The following MAMSTR variants were observed in gnomAD, a reference collection of about 807,000 sequenced individuals.
MAMSTR encodes MEF2 activating motif and SAP domain containing transcriptional regulator, also known as MEF2-activating motif and SAP domain-containing transcriptional regulator.
Under a neutral mutation model 42.7 loss-of-function variants are expected in MAMSTR, and 41 were observed. That is an observed-to-expected ratio of 0.96 (90% CI 0.75 to 1.25). The LOEUF (loss-of-function observed/expected upper bound fraction) is 1.25. Among genes scored for constraint, MAMSTR ranks in the 50% most tolerant of loss-of-function variants. The pLI is 0.00. For missense variants in MAMSTR, 567 were observed against 557.6 expected, an observed-to-expected ratio of 1.02 and a Z score of -0.17; for synonymous variants, 265 against 244.1, an observed-to-expected ratio of 1.09 and a Z score of -0.80.
chr19:48,717,534 CTTTTT>C (rs34694985), intron 2 of MAMSTR, among the ~76,000 whole-genome samples: 1 of 126,630 alleles, frequency 7.9e-6, no homozygotes. Context: ...TGTTAACTAT[CTTTTT>C]TTTTTTTTTT....
At chr19:48,718,380 CTTTTTTTT>C (rs796615883) in intron 2 of MAMSTR, among the ~76,000 whole-genome samples, 93 of 95,156 alleles carry the variant, frequency 9.8e-4, no homozygotes, top group African/African-American at 3.6e-3. Context: ...TTGCACACTT[CTTTTTTTT>C]TTTTTTTTTT....
intron 7 of MAMSTR, 62 bp downstream of exon 7, chr19:48,714,303 AC>A: frequency 1.5e-6 from 2 of 1,294,008 alleles, no homozygotes; most frequent in Non-Finnish European, 2.0e-6. Flanking sequence ...TTTTTTCGAC[AC>A]CCCGCCCCGG....
At chr19:48,718,249 T>G (rs868133208) in intron 2 of MAMSTR, among the ~76,000 whole-genome samples, 2 of 152,206 alleles carry the variant, frequency 1.3e-5, no homozygotes, top group South Asian at 4.1e-4. Flanking sequence ...ATGCGCCTTT[T>G]TGTATACTCC....
chr19:48,714,769 G>C (rs761591438), intron 6 of MAMSTR, 37 bp downstream of exon 6: 1 of 1,490,436 alleles, frequency 6.7e-7, no homozygotes, highest in South Asian at 1.1e-5. Flanking sequence ...CCCACCGAAG[G>C]AGAGAGAAGG....
In MAMSTR at chr19:48,714,030, C is replaced by G. The variant is rs1379911122; in HGVS notation, c.739G>C (p.Ala247Pro). 1 of 1,595,514 alleles carries G rather than the reference C, an allele frequency of 6.3e-7. No homozygotes were observed. Among genetic ancestry groups the G allele is most frequent in the Admixed American group, 1.7e-5 (1 of 58,470 alleles). Residue 247 changes from alanine to proline, a missense_variant, in exon 8 of 10, where the codon GCA (alanine) becomes CCA (proline). By Grantham distance (27) the Ala-to-Pro change is conservative (BLOSUM62 -1). Coordinates refer to ENST00000318083, the MANE Select transcript of MAMSTR (RefSeq NM_001130915.2). ...CGTGGAAGAGGTGGCCTGTGAGATG[C>G]TGCGCTGGGCTTGACCTAGAGCAGC... ...RRQGSVKPSA[A>P]SHRPPLPRAA...
downstream of MAMSTR, among the ~76,000 whole-genome samples, chr19:48,708,958 G>A (rs969995912): frequency 6.6e-6 from 1 of 152,076 alleles, no homozygotes; most frequent in Non-Finnish European, 1.5e-5. Context: ...GAGTCAGGCA[G>A]AGATGGGGAC....
downstream of MAMSTR, among the ~76,000 whole-genome samples, chr19:48,710,119 A>G (rs1345790502): frequency 2.0e-5 from 3 of 148,690 alleles, no homozygotes; most frequent in Non-Finnish European, 4.4e-5. Flanking sequence ...GGACTCCCAA[A>G]GTGCTGGGAC....
At position 48,713,256 on chromosome 19, in the gene MAMSTR, C is replaced by T. The variant is rs756702812; in HGVS notation, c.*11G>A. 1.3e-6 allele frequency: 2 copies of T among 1,580,850 alleles called. No individual in the cohort carries two copies. Among genetic ancestry groups the T allele is most frequent in the Admixed American group, 2.1e-5 (1 of 48,584 alleles). ...CCATCAGTTCTCTGTCTCTGTAAAT[C>T]CTAGAATCCATCACCATGGATCCTC... On this transcript the variant is annotated 3_prime_UTR_variant, in exon 10 of 10. Transcript: ENST00000318083.
At position 48,717,193 on chromosome 19, in the gene MAMSTR, C is replaced by A. The variant is rs371208495; in HGVS notation, c.59-450G>T. On this transcript the variant is annotated intron_variant, in intron 2 of 9. Coordinates refer to ENST00000318083, the MANE Select transcript of MAMSTR (RefSeq NM_001130915.2). ...ATATCCACATTTTCAGTATGCATCTCTCTGGGCTCTAGTTTTGCACACATG... is the reference window on the plus strand; with the variant it reads ...ATATCCACATTTTCAGTATGCATCTATCTGGGCTCTAGTTTTGCACACATG... 2.1e-4 allele frequency among the ~76,000 whole-genome samples: 32 copies of A among 152,340 alleles called. No individual in the cohort carries two copies. In the East Asian group the frequency reaches 5.8e-3, roughly 28 times the overall value.
chr19:48,707,667 G>A, the MAMSTR span, among the ~76,000 whole-genome samples: 2 of 151,292 alleles, frequency 1.3e-5, no homozygotes, highest in Non-Finnish European at 2.9e-5. Context: ...CTTGAACCCA[G>A]GAGGTGAAGT....
Position 48,714,562 on chromosome 19 carries a change from TG to T in MAMSTR, c.529-3del, listed in dbSNP as rs759792469. ...CAGCTGCTGCCGGAGCTCTGAGACC[TG>T]GGGAGGGGCGGGGCGTGGGAAGAGG... On this transcript the variant is annotated splice_polypyrimidine_tract_variant and splice_region_variant and intron_variant, in intron 6 of 9. Transcript: ENST00000318083. 5.4e-5 allele frequency: 79 copies of T among 1,464,728 alleles called. No homozygotes were observed. The South Asian group carries it at 1.0e-3, about 19-fold the overall frequency. The allele number at this position is 1,464,728 out of a possible 1,614,324, so 90.7% of individuals were successfully genotyped here.
downstream of MAMSTR, among the ~76,000 whole-genome samples, chr19:48,710,390 C>T (rs558170462): frequency 6.9e-5 from 10 of 145,944 alleles, no homozygotes; most frequent in African/African-American, 2.3e-4. Flanking sequence ...GCCAGGATTA[C>T]AGGCGTGAAT....
rs35866622 is a variant in MAMSTR at position 48,714,803 on chromosome 19, C to T, written c.528+3G>A. 674,168 of 1,593,184 alleles carry T rather than the reference C, an allele frequency of 0.42. 157,429 individuals carry two copies. Among genetic ancestry groups the T allele is most frequent in the Non-Finnish European group, 0.48 (560,903 of 1,160,822 alleles). The stretch of plus-strand genomic sequence containing the variant: ...GGCCTGGAAAGTTACACCCCAAACT[C>T]ACCGTCAGCTCCTCCAGTTTAAGGG... On this transcript the variant is annotated splice_donor_region_variant and intron_variant, in intron 6 of 9. Coordinates refer to ENST00000318083, the MANE Select transcript of MAMSTR (RefSeq NM_001130915.2).
chr19:48,716,374 C>CAAAAAA lies in MAMSTR; in HGVS notation c.97+325_97+330dup, dbSNP rs35058019. Among the ~76,000 whole-genome samples the CAAAAAA allele has an allele frequency of 7.4e-4, 48 of 65,004 alleles. 2 individuals carry two copies. The highest frequency in any genetic ancestry group is 2.3e-3 in the African/African-American group (38 of 16,364). 42.6% of individuals were successfully genotyped at this position (65,004 alleles called of 152,430 possible). A position where few individuals can be genotyped will look rare whatever the true frequency, so the allele number is the denominator to read the frequency against. On this transcript the variant is annotated intron_variant, in intron 3 of 9. Coordinates refer to ENST00000318083, the MANE Select transcript of MAMSTR (RefSeq NM_001130915.2). ...CTGGCGACAGAGCAAGATTCCATCT[C>CAAAAAA]AAAAAAAAAAAAAAAAAAAAAAGCT...
At chr19:48,718,600 G>A (rs1014737813) in intron 2 of MAMSTR, among the ~76,000 whole-genome samples, 3 of 151,920 alleles carry the variant, frequency 2.0e-5, no homozygotes, top group African/African-American at 7.2e-5. Context: ...CAAGACCTTT[G>A]ACACTTTCAC....
Position 48,719,373 on chromosome 19 carries a change from G to T in MAMSTR, c.-22+306C>A, listed in dbSNP as rs1196319894. ...CTGGGTCCTGAGGAGGAAGGGTTGC[G>T]GGTTGGGACCCCTGTGTCTAGGAAA... On this transcript the variant is annotated intron_variant, in intron 1 of 9. Transcript: ENST00000318083. The surrounding 1 kb of genome is among the most constrained non-coding windows in gnomAD (Gnocchi z 4.4). Among the ~76,000 whole-genome samples, 1 of 152,086 alleles carries T rather than the reference G, an allele frequency of 6.6e-6. No individual in the cohort carries two copies. The highest frequency in any genetic ancestry group is 2.1e-4 in the South Asian group (1 of 4,830).
the MAMSTR span, among the ~76,000 whole-genome samples, chr19:48,706,295 A>C: frequency 1.3e-5 from 2 of 151,674 alleles, no homozygotes; most frequent in South Asian, 2.1e-4. Flanking sequence ...TCAAAAAAAA[A>C]AAAAAAATTC....
rs774542969 is a variant in MAMSTR, at chr19:48,713,221, C to T, written c.*46G>A. ...TTCCCTCTCCTCCCACAAGGAGCTT[C>T]TCTCCACCCCCATCAGTTCTCTGTC... On this transcript the variant is annotated 3_prime_UTR_variant, in exon 10 of 10. Transcript: ENST00000318083. The T allele has an allele frequency of 7.3e-6, 11 of 1,515,982 alleles. No individual in the cohort carries two copies. Among genetic ancestry groups the T allele is most frequent in the African/African-American group, 1.4e-5 (1 of 71,084 alleles). 93.9% of individuals were successfully genotyped at this position (1,515,982 alleles called of 1,614,324 possible). A position where few individuals can be genotyped will look rare whatever the true frequency, so the allele number is the denominator to read the frequency against.
Position 48,715,369 on chromosome 19 carries a change from T to C in MAMSTR, c.318A>G (p.Pro106=), listed in dbSNP as rs1303851580. 6.5e-7 allele frequency: 1 copy of C among 1,539,978 alleles called. No homozygotes were observed. Among genetic ancestry groups the C allele is most frequent in the East Asian group, 2.3e-5 (1 of 42,822 alleles). The change falls in exon 5 of 10, where the codon CCA becomes CCG. Residue 106 remains proline (P), a synonymous_variant. Coordinates refer to ENST00000318083, the MANE Select transcript of MAMSTR (RefSeq NM_001130915.2). ...GNLTYHQYMP[P]EPRQGSRADP... ...CCGCCCTGGATCCCTGTCTCGGCTCTGGGGGCATGTACTGGTGGTATGTCA... is the reference window on the plus strand; with the variant it reads ...CCGCCCTGGATCCCTGTCTCGGCTCCGGGGGCATGTACTGGTGGTATGTCA...
Sources: allele counts gnomAD v4.1 joint callset (sites outside exome capture counted in the v4.1 genomes callset), GRCh38; gene constraint gnomAD v4.1.1; non-coding constraint Gnocchi (gnomAD v3.1); transcripts MANE v1.5; gene names NCBI Gene and HGNC (gene_info 2026-07-23, HGNC 2026-07-21).